DGKH: variants seen among roughly 807,000 people sequenced by gnomAD.
DGKH encodes diacylglycerol kinase eta.
DGKH carries 90 observed loss-of-function variants against 159.3 expected under a neutral mutation model. That is an observed-to-expected ratio of 0.57 (90% CI 0.48 to 0.67). The LOEUF (loss-of-function observed/expected upper bound fraction) is 0.67, where lower values mean the gene tolerates loss of function less well. Ranked by LOEUF, DGKH falls within the 30% of genes least tolerant of loss-of-function variation. The pLI is 0.00. For synonymous variants in DGKH, 536 were observed against 553.8 expected (o/e 0.97, Z 0.45); for missense variants, 1,181 against 1,506.1 (o/e 0.78, Z 3.57).
In DGKH at chr13:42,142,882, G is replaced by A. The variant is rs545408546; in HGVS notation, c.385-12409G>A. Among the ~76,000 whole-genome samples the A allele has an allele frequency of 2.6e-5, 4 of 152,194 alleles. No individual in the cohort carries two copies. In the East Asian group the frequency reaches 7.7e-4, roughly 29 times the overall value. On this transcript the variant is annotated intron_variant, in intron 3 of 29. Coordinates refer to ENST00000337343, the MANE Select transcript of DGKH (RefSeq NM_178009.5). The stretch of plus-strand genomic sequence containing the variant: ...CTTCCTGTTTTCCTAACTGAATACC[G>A]TTTATTTCCTTCTCCTGCCTAATTG...
intron 3 of DGKH, among the ~76,000 whole-genome samples, chr13:42,148,787 C>A (rs377489137): frequency 6.6e-6 from 1 of 152,038 alleles, no homozygotes; most frequent in Non-Finnish European, 1.5e-5. Flanking sequence ...GTTTATAATG[C>A]CCAGCCCCTG....
intron 29 of DGKH, among the ~76,000 whole-genome samples, chr13:42,222,862 T>C: frequency 6.6e-6 from 1 of 152,258 alleles, no homozygotes; most frequent in Non-Finnish European, 1.5e-5. Flanking sequence ...TATATACAGG[T>C]ACACACACAA....
chr13:42,075,646 C>T (rs1954080017), intron 1 of DGKH, among the ~76,000 whole-genome samples: 1 of 152,156 alleles, frequency 6.6e-6, no homozygotes, highest in Non-Finnish European at 1.5e-5. Context: ...TTGCTGGAGC[C>T]ACTAACTGAA....
intron 14 of DGKH, 115 bp downstream of exon 14, chr13:42,187,263 A>G (rs17598471): frequency 0.15 from 120,659 of 817,926 alleles, 10,592 homozygotes; most frequent in Admixed American, 0.27. Flanking sequence ...TTAAATCGAG[A>G]GAAAAATTAC....
chr13:42,168,582 T>G, intron 10 of DGKH, 34 bp downstream of exon 10: 1 of 1,613,760 alleles, frequency 6.2e-7, no homozygotes, highest in South Asian at 1.1e-5. Flanking sequence ...CTAGTTAACA[T>G]GAATGCATAC....
At chr13:42,112,196 A>G (rs1214346593) in intron 1 of DGKH, among the ~76,000 whole-genome samples, 1 of 151,874 alleles carries the variant, frequency 6.6e-6, no homozygotes, top group Non-Finnish European at 1.5e-5. Context: ...AAAACAGACT[A>G]TTGTACAAAC....
chr13:42,110,254 C>CTT (rs1954837406), intron 1 of DGKH, among the ~76,000 whole-genome samples: 1 of 152,168 alleles, frequency 6.6e-6, no homozygotes, highest in Non-Finnish European at 1.5e-5. Context: ...CCATCCCACC[C>CTT]TTGACCTTAC....
intron 13 of DGKH, among the ~76,000 whole-genome samples, chr13:42,180,902 T>C (rs1956734739): frequency 2.0e-5 from 3 of 152,184 alleles, no homozygotes; most frequent in Admixed American, 2.0e-4. Flanking sequence ...AACAATAAAA[T>C]CACAACAGCT....
At chr13:42,200,455 C>CA (rs1324579730) in intron 20 of DGKH, among the ~76,000 whole-genome samples, 6 of 152,110 alleles carry the variant, frequency 3.9e-5, no homozygotes, top group African/African-American at 1.4e-4. Flanking sequence ...ACAGAAACAA[C>CA]AAGGCTGAGG....
chr13:42,063,346 A>G (rs767668363), intron 1 of DGKH, among the ~76,000 whole-genome samples: 2 of 152,140 alleles, frequency 1.3e-5, no homozygotes, highest in Non-Finnish European at 2.9e-5. Context: ...GAGTGAGGGG[A>G]AAGTGAGTAG....
At chr13:42,083,552 G>C (rs1005216127) in intron 1 of DGKH, among the ~76,000 whole-genome samples, 1 of 152,306 alleles carries the variant, frequency 6.6e-6, no homozygotes, top group Non-Finnish European at 1.5e-5. Flanking sequence ...TAGCGCCGCC[G>C]CTGTAGGCGT....
At chr13:42,107,134 CAT>C (rs1217059238) in intron 1 of DGKH, among the ~76,000 whole-genome samples, 5 of 152,254 alleles carry the variant, frequency 3.3e-5, no homozygotes, top group African/African-American at 1.2e-4. Flanking sequence ...GGACTGACAA[CAT>C]AGAATTGCAA....
At chr13:42,074,963 T>A (rs1415261276) in intron 1 of DGKH, among the ~76,000 whole-genome samples, 1 of 152,188 alleles carries the variant, frequency 6.6e-6, no homozygotes, top group Admixed American at 6.5e-5. Flanking sequence ...AGTGGCAATG[T>A]GTAGTAATGG....
At chr13:42,255,359 AT>A (rs1251165362) in intron 30 of DGKH, among the ~76,000 whole-genome samples, 1 of 152,086 alleles carries the variant, frequency 6.6e-6, no homozygotes, top group African/African-American at 2.4e-5. Flanking sequence ...ATTTCCTAGA[AT>A]TTTTACTTTA....
intron 16 of DGKH, among the ~76,000 whole-genome samples, chr13:42,194,330 G>A (rs1029129915): frequency 2.0e-5 from 3 of 152,038 alleles, no homozygotes; most frequent in Non-Finnish European, 2.9e-5. Flanking sequence ...GCAGGGTCTC[G>A]CTGTGTTGCC....
chr13:42,186,994 C>T (rs1261626314), intron 13 of DGKH, 55 bp from the exon 14 acceptor site: 7 of 1,443,944 alleles, frequency 4.8e-6, no homozygotes, highest in Non-Finnish European at 6.8e-6. Flanking sequence ...ATTCATAAAT[C>T]AAGGCAAATT....
intron 5 of DGKH, among the ~76,000 whole-genome samples, chr13:42,157,828 T>C (rs1027176397): frequency 2.6e-5 from 4 of 152,232 alleles, no homozygotes; most frequent in Admixed American, 1.3e-4. Context: ...TGATCTTGGC[T>C]CATTGCAACC....
At chr13:42,053,707 C>T (rs1245373817) in intron 1 of DGKH, among the ~76,000 whole-genome samples, 1 of 151,554 alleles carries the variant, frequency 6.6e-6, no homozygotes, top group African/African-American at 2.4e-5. Context: ...CAACCTCCGC[C>T]TCCTGGGTTC....
At chr13:42,117,127 C>T (rs1037443935) in intron 1 of DGKH, among the ~76,000 whole-genome samples, 8 of 152,146 alleles carry the variant, frequency 5.3e-5, no homozygotes, top group Admixed American at 6.5e-5. Context: ...GTTAATGCCT[C>T]ATCCTAGAAT....
Sources: allele counts gnomAD v4.1 joint callset (sites outside exome capture counted in the v4.1 genomes callset), GRCh38; gene constraint gnomAD v4.1.1; transcripts MANE v1.5; gene names NCBI Gene and HGNC (gene_info 2026-07-23, HGNC 2026-07-21).